Variants in NLGN1 observed in about 807,000 individuals in gnomAD.
The protein encoded by NLGN1 is neuroligin-1.
NLGN1 carries 12 observed loss-of-function variants against 65.5 expected under a neutral mutation model. The observed-to-expected ratio is 0.18, with a 90% CI of 0.12 to 0.30. The LOEUF (loss-of-function observed/expected upper bound fraction) is 0.30. Among genes scored for constraint, NLGN1 ranks in the 10% least tolerant of loss-of-function variants. The pLI, the probability that NLGN1 is intolerant of heterozygous loss-of-function variation, is 1.00. For synonymous variants in NLGN1, 350 were observed against 359.5 expected (o/e 0.97, Z 0.30); for missense variants, 750 against 1,007.1 (o/e 0.74, Z 3.46).
In NLGN1 at chr3:173,692,534, A is replaced by G. The variant is rs1560180180; in HGVS notation, c.493+87443A>G. Among the ~76,000 whole-genome samples, 3 of 152,042 alleles carry G rather than the reference A, an allele frequency of 2.0e-5. No individual in the cohort carries two copies. The South Asian group carries it at 6.2e-4, about 31-fold the overall frequency. ...ATGACTTTTTCAACTACATTTTTCT[A>G]AAGTACAGAGGTAAGATTGGACTTA... On this transcript the variant is annotated intron_variant, in intron 3 of 6. Coordinates refer to ENST00000457714, the Ensembl canonical transcript of NLGN1.
At chr3:174,048,738 A>G (rs1734172401) in intron 4 of NLGN1, among the ~76,000 whole-genome samples, 1 of 152,086 alleles carries the variant, frequency 6.6e-6, no homozygotes. Flanking sequence ...ATAAATGATA[A>G]TTGTATGAAT....
chr3:173,830,803 A>G (rs1722392652), intron 4 of NLGN1, among the ~76,000 whole-genome samples: 1 of 152,214 alleles, frequency 6.6e-6, no homozygotes, highest in Admixed American at 6.5e-5. Flanking sequence ...CGGAAAGGTT[A>G]GTCAGTCAGA....
At chr3:173,730,220 A>G (rs1772544855) in intron 3 of NLGN1, among the ~76,000 whole-genome samples, 1 of 151,520 alleles carries the variant, frequency 6.6e-6, no homozygotes, top group African/African-American at 2.4e-5. Flanking sequence ...AAAGAGTAAA[A>G]CAAAATTGTA....
chr3:173,833,265 A>G (rs1385021851), intron 4 of NLGN1, among the ~76,000 whole-genome samples: 1 of 152,120 alleles, frequency 6.6e-6, no homozygotes, highest in Non-Finnish European at 1.5e-5. Flanking sequence ...TTTTCAAACC[A>G]TGTGCACTAC....
intron 2 of NLGN1, among the ~76,000 whole-genome samples, chr3:173,566,224 A>G (rs1171873996): frequency 6.6e-6 from 1 of 152,180 alleles, no homozygotes; most frequent in Non-Finnish European, 1.5e-5. Flanking sequence ...TTCATGCATC[A>G]TGGTTTCAGT....
chr3:174,166,582 G>C (rs557514847), intron 4 of NLGN1, among the ~76,000 whole-genome samples: 90 of 152,096 alleles, frequency 5.9e-4, no homozygotes, highest in African/African-American at 2.2e-3. Flanking sequence ...AATTTATTGA[G>C]GCTTGCTTTA....
chr3:173,659,190 A>G (rs1760539035), intron 3 of NLGN1, among the ~76,000 whole-genome samples: 1 of 152,030 alleles, frequency 6.6e-6, no homozygotes, highest in Non-Finnish European at 1.5e-5. Flanking sequence ...CAGTGAAAAT[A>G]AAACCTAAAT....
intron 4 of NLGN1, among the ~76,000 whole-genome samples, chr3:174,204,604 T>C (rs1279222384): frequency 6.6e-6 from 1 of 152,180 alleles, no homozygotes; most frequent in Non-Finnish European, 1.5e-5. Flanking sequence ...CAGCATAAGC[T>C]CATGAGGAAG....
intron 4 of NLGN1, among the ~76,000 whole-genome samples, chr3:174,244,713 A>C (rs117184428): frequency 6.6e-6 from 1 of 152,254 alleles, no homozygotes; most frequent in East Asian, 1.9e-4. Context: ...TAAAAGGCAA[A>C]TTTAAAGTGT....
chr3:174,026,318 G>T (rs1343262426), intron 4 of NLGN1, among the ~76,000 whole-genome samples: 2 of 151,956 alleles, frequency 1.3e-5, no homozygotes, highest in Admixed American at 6.6e-5. Flanking sequence ...TAGAGACAGG[G>T]TCTCACTTTG....
chr3:174,069,498 T>G (rs1739369162), intron 4 of NLGN1, among the ~76,000 whole-genome samples: 1 of 152,222 alleles, frequency 6.6e-6, no homozygotes, highest in African/African-American at 2.4e-5. Context: ...AGGGACAATT[T>G]TCAAAAGTAA....
At chr3:173,831,305 A>G (rs1578675032) in intron 4 of NLGN1, among the ~76,000 whole-genome samples, 2 of 152,220 alleles carry the variant, frequency 1.3e-5, no homozygotes, top group East Asian at 3.8e-4. Context: ...GTATATATCA[A>G]CCACATCTCT....
At chr3:173,865,873 T>C (rs989742160) in intron 4 of NLGN1, among the ~76,000 whole-genome samples, 3 of 152,202 alleles carry the variant, frequency 2.0e-5, no homozygotes, top group Admixed American at 2.0e-4. Flanking sequence ...TGCTGGAATC[T>C]TATAAACATA....
intron 4 of NLGN1, among the ~76,000 whole-genome samples, chr3:174,261,083 T>C (rs1229968059): frequency 2.0e-5 from 3 of 152,224 alleles, no homozygotes; most frequent in Non-Finnish European, 4.4e-5. Flanking sequence ...TTTTCGTTAC[T>C]GTAGCCTTGT....
chr3:173,999,602 C>T (rs913435337), intron 4 of NLGN1, among the ~76,000 whole-genome samples: 1 of 152,082 alleles, frequency 6.6e-6, no homozygotes, highest in Admixed American at 6.6e-5. Flanking sequence ...CTCCAACCAC[C>T]ACTTCATTTT....
At position 174,058,170 on chromosome 3, in the gene NLGN1, C is replaced by T. The variant is rs568006516; in HGVS notation, c.647-217145C>T. Among the ~76,000 whole-genome samples the T allele has an allele frequency of 3.9e-5, 6 of 152,176 alleles. No individual in the cohort carries two copies. In the East Asian group the frequency reaches 7.7e-4, roughly 20 times the overall value. The stretch of plus-strand genomic sequence containing the variant: ...TGAGTGATTTCAAAGCCTTTCATAT[C>T]ATTATTCATGGATATGCAGTTTGTG... On this transcript the variant is annotated intron_variant, in intron 4 of 6. Coordinates refer to ENST00000457714, the Ensembl canonical transcript of NLGN1.
intron 4 of NLGN1, among the ~76,000 whole-genome samples, chr3:173,864,287 A>G (rs555545000): frequency 2.0e-5 from 3 of 152,198 alleles, no homozygotes; most frequent in Non-Finnish European, 4.4e-5. Flanking sequence ...GTGACACTTA[A>G]TAGATGTACA....
chr3:174,208,664 GAAAA>G (rs35797766), intron 4 of NLGN1, among the ~76,000 whole-genome samples: 2,875 of 144,228 alleles, frequency 0.02, 26 homozygotes, highest in East Asian at 0.039. Context: ...CCATTATAGG[GAAAA>G]AAAAAAAAAA....
At chr3:173,978,844 A>T (rs1161862075) in intron 4 of NLGN1, among the ~76,000 whole-genome samples, 1 of 150,706 alleles carries the variant, frequency 6.6e-6, no homozygotes, top group Non-Finnish European at 1.5e-5. Flanking sequence ...TAAAAAAAAA[A>T]AAAAAAAAAA....
Sources: allele counts gnomAD v4.1 joint callset (sites outside exome capture counted in the v4.1 genomes callset), GRCh38; gene constraint gnomAD v4.1.1; transcripts MANE v1.5; gene names NCBI Gene and HGNC (gene_info 2026-07-23, HGNC 2026-07-21).